Variants in DLG2 observed in about 807,000 individuals in gnomAD.
DLG2 encodes disks large homolog 2.
A neutral mutation model predicts 132.5 loss-of-function variants in DLG2; 45 were observed. The ratio of observed to expected loss-of-function variants is 0.34; its 90% CI spans 0.27 to 0.44. DLG2 has a LOEUF of 0.44. Ranked by LOEUF, DLG2 falls within the 20% of genes least tolerant of loss-of-function variation. The probability of loss-of-function intolerance (pLI) is 1.00; values close to 1 mark genes in which losing one functional copy is unlikely to be tolerated. For synonymous variants in DLG2, 424 were observed against 419.6 expected (o/e 1.01, Z -0.13); for missense variants, 1,045 against 1,196.9 (o/e 0.87, Z 1.87).
chr11:85,264,562 A>G (rs1432813136), intron 4 of DLG2, among the ~76,000 whole-genome samples: 1 of 152,168 alleles, frequency 6.6e-6, no homozygotes, highest in East Asian at 1.9e-4. Context: ...GTTTTGCTGT[A>G]CTGCTAGTCA....
intron 11 of DLG2, among the ~76,000 whole-genome samples, chr11:84,043,169 A>G (rs1230232782): frequency 2.0e-5 from 3 of 151,554 alleles, no homozygotes; most frequent in Non-Finnish European, 4.4e-5. Flanking sequence ...TGAGCAATTT[A>G]TTAATTAAAT....
In DLG2 at chr11:84,267,615, G is replaced by A. The variant is rs72955679; in HGVS notation, c.520-16324C>T. ...GACAAGAAGCACAGCAGGGCAGGCC[G>A]TCTGATAAACTGGAACTAAGAACTG... On this transcript the variant is annotated intron_variant, in intron 7 of 27. Transcript: ENST00000376104. 3.5e-3 allele frequency among the ~76,000 whole-genome samples: 526 copies of A among 152,340 alleles called. 1 individual carries two copies. The highest frequency in any genetic ancestry group is 6.1e-3 in the Non-Finnish European group (416 of 68,030).
chr11:85,260,175 T>C (rs1045565514), intron 4 of DLG2, among the ~76,000 whole-genome samples: 10 of 152,176 alleles, frequency 6.6e-5, no homozygotes, highest in Admixed American at 6.5e-4. Context: ...TCATGGAGCA[T>C]TGTGAGGATT....
intron 18 of DLG2, chr11:83,724,720 A>C (rs997393094): frequency 1.1e-5 from 7 of 624,624 alleles, no homozygotes; most frequent in Non-Finnish European, 1.8e-5. Flanking sequence ...AGTGGCTACT[A>C]ACAAACGGCA....
chr11:84,917,900 G>C (rs2155409), intron 6 of DLG2, among the ~76,000 whole-genome samples: 4 of 152,148 alleles, frequency 2.6e-5, no homozygotes, highest in African/African-American at 7.2e-5. Context: ...CTAAAAGAGA[G>C]AGTTATTCAA....
chr11:83,933,163 C>A (rs764678703), intron 14 of DLG2, among the ~76,000 whole-genome samples: 2 of 152,186 alleles, frequency 1.3e-5, no homozygotes, highest in Non-Finnish European at 2.9e-5. Context: ...AGAACAGATG[C>A]CACTATCACT....
chr11:84,990,647 T>A (rs772675417), intron 6 of DLG2, among the ~76,000 whole-genome samples: 1 of 134,096 alleles, frequency 7.5e-6, no homozygotes, highest in South Asian at 2.7e-4. Context: ...ATTAAAACCA[T>A]GATGAGATAC....
At chr11:85,229,845 T>C (rs1032399814) in intron 4 of DLG2, among the ~76,000 whole-genome samples, 1 of 152,030 alleles carries the variant, frequency 6.6e-6, no homozygotes, top group Non-Finnish European at 1.5e-5. Flanking sequence ...TGCAGGGACA[T>C]GGATGAAGCT....
At chr11:83,685,351 A>G (rs1415302108) in intron 18 of DLG2, among the ~76,000 whole-genome samples, 1 of 152,044 alleles carries the variant, frequency 6.6e-6, no homozygotes, top group Non-Finnish European at 1.5e-5. Flanking sequence ...TCCCACTACA[A>G]TTGTTCTTAT....
At chr11:85,055,700 G>A (rs893092567) in intron 6 of DLG2, among the ~76,000 whole-genome samples, 5 of 152,130 alleles carry the variant, frequency 3.3e-5, no homozygotes, top group African/African-American at 1.2e-4. Context: ...TTAGCAAAGT[G>A]GGGAAGGAGA....
At chr11:83,602,555 G>T (rs954572099) in intron 19 of DLG2, among the ~76,000 whole-genome samples, 1 of 152,248 alleles carries the variant, frequency 6.6e-6, no homozygotes, top group Non-Finnish European at 1.5e-5. Context: ...CCAAGAAAGA[G>T]ATTGGGGCAG....
chr11:84,792,924 T>C (rs1369113803), intron 6 of DLG2, among the ~76,000 whole-genome samples: 4 of 152,152 alleles, frequency 2.6e-5, no homozygotes, highest in African/African-American at 7.2e-5. Context: ...TTATTTGTGC[T>C]TGTATCTTTA....
intron 11 of DLG2, among the ~76,000 whole-genome samples, chr11:84,054,315 G>A (rs1367022879): frequency 6.6e-6 from 1 of 151,992 alleles, no homozygotes; most frequent in Non-Finnish European, 1.5e-5. Context: ...TCACTAGGAA[G>A]CCTTTTACAG....
chr11:84,786,954 CT>C (rs1287590837), intron 6 of DLG2, among the ~76,000 whole-genome samples: 1 of 152,064 alleles, frequency 6.6e-6, no homozygotes, highest in African/African-American at 2.4e-5. Flanking sequence ...AGAGTAATGG[CT>C]TTGGTGGGAA....
rs2092055434 is a variant in DLG2 at position 85,447,337 on chromosome 11, C to T, written c.40+151320G>A. The stretch of plus-strand genomic sequence containing the variant: ...TATGTTGAAATTCTAACTCCCAGTA[C>T]TTCAGAATGTGACTATATTTAGAGA... On this transcript the variant is annotated intron_variant, in intron 3 of 27. Coordinates refer to ENST00000376104, the MANE Select transcript of DLG2 (RefSeq NM_001142699.3). Among the ~76,000 whole-genome samples the T allele has an allele frequency of 1.3e-5, 2 of 152,218 alleles. 1 individual carries two copies. The highest frequency in any genetic ancestry group is 4.1e-4 in the South Asian group (2 of 4,824).
intron 18 of DLG2, chr11:83,651,738 C>A (rs2070536086): frequency 2.4e-6 from 1 of 420,838 alleles, no homozygotes; most frequent in African/African-American, 2.1e-5. Context: ...CTTTATAATG[C>A]TGTTTGGTTC....
intron 6 of DLG2, among the ~76,000 whole-genome samples, chr11:84,630,538 A>G (rs1418664748): frequency 6.6e-6 from 1 of 152,196 alleles, no homozygotes; most frequent in African/African-American, 2.4e-5. Context: ...GAACTTAACT[A>G]TAAAAAATTT....
chr11:85,078,447 A>C (rs763756919), intron 6 of DLG2, among the ~76,000 whole-genome samples: 1 of 151,852 alleles, frequency 6.6e-6, no homozygotes, highest in Non-Finnish European at 1.5e-5. Context: ...CTCAAGGAGG[A>C]CTGCATGACT....
chr11:83,882,019 TAATTCTTACCTACATTTAA>T (rs2066406515), intron 15 of DLG2, among the ~76,000 whole-genome samples: 1 of 152,178 alleles, frequency 6.6e-6, no homozygotes, highest in South Asian at 2.1e-4. Context: ...AGTTCACTTT[TAATTCTTACCTACATTTAA>T]AGAAATCCAG....
Sources: gnomAD v4.1 joint callset for allele counts (sites outside exome capture counted in the v4.1 genomes callset) on GRCh38, gnomAD v4.1.1 for gene constraint, MANE v1.5 for transcripts, NCBI Gene and HGNC (gene_info 2026-07-23, HGNC 2026-07-21) for gene names.